The following ESPN variants were observed in gnomAD, a reference collection of about 807,000 sequenced individuals.
ESPN encodes autosomal recessive deafness type 36 protein.
In ESPN, 68 loss-of-function variants were observed where a neutral mutation model predicts 77.7. The observed-to-expected ratio is 0.87, with a 90% CI of 0.72 to 1.07. The LOEUF is 1.07. ESPN is among the 50% of genes least tolerant of loss of function. ESPN has a pLI of 0.00. For synonymous variants in ESPN, 449 were observed against 567.1 expected, an observed-to-expected ratio of 0.79 and a Z score of 2.96; for missense variants, 1,060 against 1,239.0, an observed-to-expected ratio of 0.86 and a Z score of 2.17.
chr1:6,437,829 G>T lies in ESPN; in HGVS notation c.489-2425G>T. 6.6e-6 allele frequency: 1 copy of T among 152,482 alleles called. No individual in the cohort carries two copies. 9.4% of individuals were successfully genotyped at this position (152,482 alleles called of 1,614,324 possible). A position where few individuals can be genotyped will look rare whatever the true frequency, so the allele number is the denominator to read the frequency against. On this transcript the variant is annotated intron_variant, in intron 2 of 12. Coordinates refer to ENST00000645284, the MANE Select transcript of ESPN (RefSeq NM_031475.3). The surrounding 1 kb of genome is among the most constrained non-coding windows in gnomAD (Gnocchi z 4.5). ...GTAGACAGAGAACCAGGGCTTTAGG[G>T]ACAGGGAGATGCCAGCTGGGAGGGT...
chr1:6,451,718 G>A lies in ESPN; in HGVS notation c.2031G>A (p.Val677=). 6.2e-7 allele frequency: 1 copy of A among 1,612,856 alleles called. No individual in the cohort carries two copies. The highest frequency in any genetic ancestry group is 8.5e-7 in the Non-Finnish European group (1 of 1,179,862). ...PTPQSKGLTT[V]FSGIGQPAFQ... is the part of the protein sequence containing the mutation. Reference sequence around the variant, plus strand: ...CCCAGAGCAAGGGGCTGACCACAGTGTTCTCAGGCATCGGGCAGCCGGCCT... The same window carrying A: ...CCCAGAGCAAGGGGCTGACCACAGTATTCTCAGGCATCGGGCAGCCGGCCT... Residue 677 remains valine, a synonymous_variant, in exon 9 of 13, where the codon GTG becomes GTA. Transcript: ENST00000645284. The surrounding 1 kb of genome is among the most constrained non-coding windows in gnomAD (Gnocchi z 4.3).
In ESPN at chr1:6,428,556, C is replaced by A. The variant is rs1240919456; in HGVS notation, c.488+137C>A. On this transcript the variant is annotated intron_variant, in intron 2 of 12. Coordinates refer to ENST00000645284, the MANE Select transcript of ESPN (RefSeq NM_031475.3). This position sits in a 1 kb window ranked among gnomAD's most constrained non-coding sequence, Gnocchi z 5.4. ...GCCATCCTGGGGCCAGAGGGCCAGG[C>A]CAGAGAAATGGCTCCCACTCAACAT... 1.3e-5 allele frequency: 10 copies of A among 763,144 alleles called. No homozygotes were observed. The highest frequency in any genetic ancestry group is 2.1e-5 in the Non-Finnish European group (10 of 478,732). The allele number at this position is 763,144 out of a possible 1,614,324, so 47.3% of individuals were successfully genotyped here. A position where few individuals can be genotyped will look rare whatever the true frequency, so the allele number is the denominator to read the frequency against.
chr1:6,461,312 C>T, downstream of ESPN: 2 of 1,284,474 alleles, frequency 1.6e-6, no homozygotes, highest in Non-Finnish European at 1.1e-6. The surrounding 1 kb of genome is among the most constrained non-coding windows in gnomAD (Gnocchi z 6.3). Context: ...CCGGCTGGTG[C>T]TGCTACGCAG....
chr1:6,429,217 C>T (rs1339695532), intron 2 of ESPN, among the ~76,000 whole-genome samples: 3 of 151,420 alleles, frequency 2.0e-5, no homozygotes, highest in Non-Finnish European at 4.4e-5. Context: ...GGGGTCTGAG[C>T]GGGGAGTGGG....
intron 5 of ESPN, among the ~76,000 whole-genome samples, chr1:6,442,706 A>G (rs1364535325): frequency 6.6e-6 from 1 of 150,868 alleles, no homozygotes; most frequent in Non-Finnish European, 1.5e-5. Flanking sequence ...CGTTTCTATT[A>G]AAAATATAAA....
chr1:6,430,479 C>T (rs541639456), intron 2 of ESPN, among the ~76,000 whole-genome samples: 25 of 152,214 alleles, frequency 1.6e-4, no homozygotes, highest in Admixed American at 3.3e-4. Context: ...ATGTCCTGCA[C>T]GTCCCCCACA....
Position 6,460,375 on chromosome 1 carries a change from CAA to C in ESPN, c.*230_*231del. On this transcript the variant is annotated 3_prime_UTR_variant, in exon 13 of 13. Transcript: ENST00000645284. ...AAAGTGCCCAAGCTGCTGACGCAAA[CAA>C]CAACAAATGCTGCTTATTTGCATGC... is the stretch of plus-strand genomic sequence containing the variant. The C allele has an allele frequency of 3.5e-6, 2 of 577,966 alleles. No individual in the cohort carries two copies. The highest frequency in any genetic ancestry group is 6.2e-6 in the Non-Finnish European group (2 of 324,778). 35.8% of individuals were successfully genotyped at this position (577,966 alleles called of 1,614,324 possible). A position where few individuals can be genotyped will look rare whatever the true frequency, so the allele number is the denominator to read the frequency against.
intron 8 of ESPN, 130 bp downstream of exon 8, chr1:6,449,221 C>T (rs1220435639): frequency 6.2e-6 from 6 of 970,260 alleles, no homozygotes; most frequent in Non-Finnish European, 8.3e-6. Context: ...CCGGCCACCC[C>T]TACCCCATTG....
In ESPN at chr1:6,451,142, G is replaced by A. The variant is rs1643936624; in HGVS notation, c.1916-461G>A. ...TCTGGGGTCCGGACTTTATGTCCAT[G>A]GAGGCCCCAATTGACTCAGTTCAAG... On this transcript the variant is annotated intron_variant, in intron 8 of 12. Coordinates refer to ENST00000645284, the MANE Select transcript of ESPN (RefSeq NM_031475.3). This position sits in a 1 kb window ranked among gnomAD's most constrained non-coding sequence, Gnocchi z 4.3. 6.6e-6 allele frequency among the ~76,000 whole-genome samples: 1 copy of A among 152,216 alleles called. No homozygotes were observed. Among genetic ancestry groups the A allele is most frequent in the Admixed American group, 6.5e-5 (1 of 15,278 alleles).
rs1014520047 is a variant in ESPN at position 6,460,580 on chromosome 1, C to G, written c.*434C>G. The G allele has an allele frequency of 1.5e-4, 26 of 173,090 alleles. No individual in the cohort carries two copies. The highest frequency in any genetic ancestry group is 5.5e-4 in the African/African-American group (23 of 41,728). The allele number at this position is 173,090 out of a possible 1,614,324, so 10.7% of individuals were successfully genotyped here. A position where few individuals can be genotyped will look rare whatever the true frequency, so the allele number is the denominator to read the frequency against. On this transcript the variant is annotated 3_prime_UTR_variant, in exon 13 of 13. Transcript: ENST00000645284. The stretch of plus-strand genomic sequence containing the variant: ...CCTGGGTGGAGGCAGGCCCCGAGCT[C>G]GGGGAAGGGGTTTTCCCTTCCTCTC...
chr1:6,430,074 G>C (rs780469652), intron 2 of ESPN, among the ~76,000 whole-genome samples: 12 of 152,240 alleles, frequency 7.9e-5, no homozygotes, highest in Non-Finnish European at 1.3e-4. Flanking sequence ...TCCTACCTTG[G>C]GGGTAGGGAT....
chr1:6,432,309 G>A (rs1452777655), intron 2 of ESPN, among the ~76,000 whole-genome samples: 6 of 152,214 alleles, frequency 3.9e-5, no homozygotes, highest in Admixed American at 2.0e-4. Flanking sequence ...GCCACAGGCC[G>A]TGGGGGCTCA....
At chr1:6,449,367 C>A (rs2148534640) in intron 8 of ESPN, among the ~76,000 whole-genome samples, 1 of 152,174 alleles carries the variant, frequency 6.6e-6, no homozygotes, top group East Asian at 1.9e-4. Context: ...CTGGGCAAGT[C>A]CCCTCCCCTC....
chr1:6,425,159 C>T lies in ESPN; in HGVS notation c.204C>T (p.Arg68=). The change falls in exon 1 of 13, where the codon CGC becomes CGT. Residue 68 remains arginine (R), a synonymous_variant. Transcript: ENST00000645284. ...CCCTCCCCGCCGCGGCCCGCGCCCG[C>T]AACGGCGCCACACCGGCCCACGACG... The part of the protein sequence containing the change: ...EAALPAAARA[R]NGATPAHDAS... 2.0e-6 allele frequency: 3 copies of T among 1,518,598 alleles called. No individual in the cohort carries two copies. Among genetic ancestry groups the T allele is most frequent in the Non-Finnish European group, 2.6e-6 (3 of 1,140,996 alleles). 94.1% of individuals were successfully genotyped at this position (1,518,598 alleles called of 1,614,324 possible).
At chr1:6,438,759 T>A (rs1643521099) in intron 2 of ESPN, among the ~76,000 whole-genome samples, 1 of 152,258 alleles carries the variant, frequency 6.6e-6, no homozygotes, top group African/African-American at 2.4e-5. Context: ...GACTGAATTC[T>A]GATTCTGGCA....
rs543217309 is a variant in ESPN at position 6,458,792 on chromosome 1, G to A, written c.2418-1207G>A. ...CTAAAAATATAAAAATTAGGTGGTC[G>A]TGATGGCGCATGCCTGTAATCCCAG... On this transcript the variant is annotated intron_variant, in intron 12 of 12. Transcript: ENST00000645284. Among the ~76,000 whole-genome samples the A allele has an allele frequency of 2.6e-4, 38 of 148,728 alleles. 1 individual carries two copies. Among genetic ancestry groups the A allele is most frequent in the African/African-American group, 8.1e-4 (33 of 40,500 alleles).
chr1:6,441,689 A>T (rs538288613), intron 5 of ESPN, among the ~76,000 whole-genome samples: 228 of 152,394 alleles, frequency 1.5e-3, no homozygotes, highest in Non-Finnish European at 2.7e-3. Context: ...CATCTGGTAC[A>T]ATGCCTGCTA....
rs527946174 is a variant in ESPN at position 6,460,372 on chromosome 1, AAAC to A, written c.*235_*237del. 6.0e-4 allele frequency: 349 copies of A among 578,982 alleles called. 6 individuals are homozygous for A. The East Asian group carries it at 9.3e-3, about 15-fold the overall frequency. 35.9% of individuals were successfully genotyped at this position (578,982 alleles called of 1,614,324 possible). A position where few individuals can be genotyped will look rare whatever the true frequency, so the allele number is the denominator to read the frequency against. Reference sequence around the variant, plus strand: ...GAAAAAGTGCCCAAGCTGCTGACGCAAACAACAACAAATGCTGCTTATTTGCAT... The same window carrying A: ...GAAAAAGTGCCCAAGCTGCTGACGCAAACAACAAATGCTGCTTATTTGCAT... On this transcript the variant is annotated 3_prime_UTR_variant, in exon 13 of 13. Coordinates refer to ENST00000645284, the MANE Select transcript of ESPN (RefSeq NM_031475.3).
Position 6,445,758 on chromosome 1 carries a change from A to ACCCCCCCC in ESPN, c.1292_1293insCCCCCCCC (p.Pro434HisfsTer32). On this transcript the variant is annotated frameshift_variant, in exon 7 of 13. Coordinates refer to ENST00000645284, the MANE Select transcript of ESPN (RefSeq NM_031475.3). LOFTEE classifies it high-confidence loss of function. ...CTCGGGGCACGATTGGGAAGCCCACACCCCCACCACCCCCACCCAGCTTCC... is the reference window on the plus strand; with the variant it reads ...CTCGGGGCACGATTGGGAAGCCCACACCCCCCCCCCCCCACCACCCCCACCCAGCTTCC... 2 of 1,440,450 alleles carry ACCCCCCCC rather than the reference A, an allele frequency of 1.4e-6. No homozygotes were observed. Among genetic ancestry groups the ACCCCCCCC allele is most frequent in the South Asian group, 1.2e-5 (1 of 83,264 alleles). The allele number at this position is 1,440,450 out of a possible 1,614,324, so 89.2% of individuals were successfully genotyped here.
Sources: gnomAD v4.1 joint callset for allele counts (sites outside exome capture counted in the v4.1 genomes callset) on GRCh38, gnomAD v4.1.1 for gene constraint, Gnocchi (gnomAD v3.1) non-coding constraint, MANE v1.5 for transcripts, NCBI Gene and HGNC (gene_info 2026-07-23, HGNC 2026-07-21) for gene names.